Variants in GALK2 observed in about 807,000 individuals in gnomAD.
GALK2 encodes galactokinase 2.
GALK2 carries 36 observed loss-of-function variants against 52.4 expected under a neutral mutation model. That is an observed-to-expected ratio of 0.69 (90% CI 0.53 to 0.91). The LOEUF (loss-of-function observed/expected upper bound fraction) is 0.91, where lower values mean the gene tolerates loss of function less well. Among genes scored for constraint, GALK2 ranks in the 40% least tolerant of loss-of-function variants. GALK2 has a pLI of 0.00. For synonymous variants in GALK2, 176 were observed against 199.1 expected, an observed-to-expected ratio of 0.88 and a Z score of 0.98; for missense variants, 579 against 559.1, an observed-to-expected ratio of 1.04 and a Z score of -0.36.
chr15:49,291,638 C>T (rs1439257471), intron 7 of GALK2, among the ~76,000 whole-genome samples: 1 of 152,086 alleles, frequency 6.6e-6, no homozygotes, highest in East Asian at 1.9e-4. Flanking sequence ...GATTGGGGTT[C>T]CCATGGGTGG....
chr15:49,181,290 G>A (rs371708342), intron 1 of GALK2, among the ~76,000 whole-genome samples: 3 of 151,572 alleles, frequency 2.0e-5, no homozygotes, highest in South Asian at 4.2e-4. Flanking sequence ...TGTATTTTTT[G>A]TAGAGATGGG....
chr15:49,299,767 CTTTCTTTCTTT>C (rs2034908394), intron 8 of GALK2, among the ~76,000 whole-genome samples: 2 of 119,258 alleles, frequency 1.7e-5, no homozygotes, highest in African/African-American at 3.3e-5. Context: ...TTCTTTCTTT[CTTTCTTTCTTT>C]CTTTCTTTCT....
At position 49,204,125 on chromosome 15, in the gene GALK2, A is replaced by G. The variant is rs533148276; in HGVS notation, c.142+2875A>G. ...TCTCAAAAAAAAAAAAAAAAAGAAA[A>G]TCAGTTGGCTGTAAATACATGGATT... On this transcript the variant is annotated intron_variant, in intron 2 of 9. Transcript: ENST00000560031. Among the ~76,000 whole-genome samples the G allele has an allele frequency of 4.0e-5, 6 of 151,898 alleles. No individual in the cohort carries two copies. In the East Asian group the frequency reaches 1.2e-3, roughly 29 times the overall value.
At chr15:49,164,775 C>T (rs28437582) in intron 1 of GALK2, among the ~76,000 whole-genome samples, 38,490 of 108,914 alleles carry the variant, frequency 0.35, 6,930 homozygotes, top group East Asian at 0.59. Context: ...AGCAAAACTC[C>T]GTCTCAAAAA....
chr15:49,237,809 C>T (rs16962163), intron 4 of GALK2, among the ~76,000 whole-genome samples: 3,382 of 152,068 alleles, frequency 0.022, 104 homozygotes, highest in South Asian at 0.078. Context: ...ACTCAAGACA[C>T]CTGTGTTTGA....
chr15:49,265,974 C>T lies in GALK2; in HGVS notation c.505-16013C>T, dbSNP rs150239756. On this transcript the variant is annotated intron_variant, in intron 5 of 9. Transcript: ENST00000560031. ...GCTTTTGCTGTGTAACAATTTTTTTCGAAATATAGTGGCTTAAGACTACCA... is the reference window on the plus strand; with the variant it reads ...GCTTTTGCTGTGTAACAATTTTTTTTGAAATATAGTGGCTTAAGACTACCA... Among the ~76,000 whole-genome samples, 394 of 152,218 alleles carry T rather than the reference C, an allele frequency of 2.6e-3. 2 individuals carry two copies. Among genetic ancestry groups the T allele is most frequent in the Non-Finnish European group, 4.2e-3 (284 of 68,004 alleles).
chr15:49,208,857 T>A (rs2088553919), intron 2 of GALK2, among the ~76,000 whole-genome samples: 1 of 152,222 alleles, frequency 6.6e-6, no homozygotes, highest in African/African-American at 2.4e-5. Context: ...CATATATCTT[T>A]AGGATTGTGA....
intron 8 of GALK2, among the ~76,000 whole-genome samples, chr15:49,312,290 A>G (rs577813985): frequency 6.6e-6 from 1 of 152,364 alleles, no homozygotes; most frequent in South Asian, 2.1e-4. Context: ...ACTGGCTGCC[A>G]GTATGGGTAG....
chr15:49,356,171 A>G (rs1423842633), intron 3 of GALK2, among the ~76,000 whole-genome samples: 1 of 152,196 alleles, frequency 6.6e-6, no homozygotes, highest in Non-Finnish European at 1.5e-5. Flanking sequence ...ACTAGGAAGA[A>G]ACTGCATCAA....
intron 3 of GALK2, among the ~76,000 whole-genome samples, chr15:49,345,771 T>A (rs558900876): frequency 1.5e-3 from 233 of 152,314 alleles, no homozygotes; most frequent in African/African-American, 5.5e-3. Context: ...GACTCTGGGG[T>A]CTTTCATCTC....
At chr15:49,325,043 C>T (rs2037230768) in intron 9 of GALK2, among the ~76,000 whole-genome samples, 1 of 152,152 alleles carries the variant, frequency 6.6e-6, no homozygotes, top group Non-Finnish European at 1.5e-5. Flanking sequence ...TGGATCTCCT[C>T]CCCACCCTCT....
At chr15:49,265,996 A>G (rs2092347154) in intron 5 of GALK2, among the ~76,000 whole-genome samples, 2 of 152,192 alleles carry the variant, frequency 1.3e-5, no homozygotes, top group Admixed American at 6.5e-5. Context: ...GCTTAAGACT[A>G]CCACCACTTG....
chr15:49,274,994 A>T (rs150723694), intron 5 of GALK2, among the ~76,000 whole-genome samples: 1 of 152,106 alleles, frequency 6.6e-6, no homozygotes, highest in African/African-American at 2.4e-5. Context: ...TAAGTAGAAG[A>T]CATATGCTCT....
chr15:49,200,061 T>C (rs1386661625), intron 1 of GALK2, among the ~76,000 whole-genome samples: 1 of 152,216 alleles, frequency 6.6e-6, no homozygotes, highest in African/African-American at 2.4e-5. Flanking sequence ...CTTTAATAAA[T>C]GTTTATCATC....
rs1322367377 is a variant in GALK2 at position 49,271,657 on chromosome 15, T to TC, written c.505-10327dup. Among the ~76,000 whole-genome samples, 3 of 152,150 alleles carry TC rather than the reference T, an allele frequency of 2.0e-5. No homozygotes were observed. The East Asian group carries it at 5.8e-4, about 29-fold the overall frequency. On this transcript the variant is annotated intron_variant, in intron 5 of 9. Transcript: ENST00000560031. ...CTTCATTATAAAATGGATTTGAAACTCCCTCCCTCACGGATTTGAAACTAG... is the reference window on the plus strand; with the variant it reads ...CTTCATTATAAAATGGATTTGAAACTCCCCTCCCTCACGGATTTGAAACTAG...
intron 1 of GALK2, among the ~76,000 whole-genome samples, chr15:49,195,497 T>C (rs2087144870): frequency 6.6e-6 from 1 of 152,244 alleles, no homozygotes; most frequent in African/African-American, 2.4e-5. Flanking sequence ...TATATTTTCT[T>C]TACCATTCTA....
intron 8 of GALK2, among the ~76,000 whole-genome samples, chr15:49,305,040 A>G (rs2141883951): frequency 6.6e-6 from 1 of 152,278 alleles, no homozygotes; most frequent in South Asian, 2.1e-4. Flanking sequence ...TCTTCTGTTT[A>G]TTAGTTGTTC....
intron 3 of GALK2, among the ~76,000 whole-genome samples, chr15:49,234,869 C>T (rs928494216): frequency 2.6e-5 from 4 of 151,918 alleles, no homozygotes; most frequent in Admixed American, 1.3e-4. Flanking sequence ...CGGGTTCAAG[C>T]GATTCTTCTG....
chr15:49,314,052 C>CA (rs1285549200), intron 8 of GALK2, among the ~76,000 whole-genome samples: 3 of 152,160 alleles, frequency 2.0e-5, no homozygotes, highest in African/African-American at 7.2e-5. Context: ...CCTCACCTGT[C>CA]AAAGGCTTTC....
Sources: gnomAD v4.1 joint callset for allele counts (sites outside exome capture counted in the v4.1 genomes callset) on GRCh38, gnomAD v4.1.1 for gene constraint, MANE v1.5 for transcripts, NCBI Gene and HGNC (gene_info 2026-07-23, HGNC 2026-07-21) for gene names.